The following RIMS1 variants were observed in gnomAD, a reference collection of about 807,000 sequenced individuals.
The protein encoded by RIMS1 is regulating synaptic membrane exocytosis protein 1.
Under a neutral mutation model 214.1 loss-of-function variants are expected in RIMS1, and 83 were observed. The observed-to-expected ratio is 0.39, with a 90% CI of 0.32 to 0.47. RIMS1 has a LOEUF of 0.47. RIMS1 is among the 20% of genes least tolerant of loss of function. RIMS1 has a pLI of 0.99. For missense variants in RIMS1, 2,050 were observed against 2,161.8 expected, an observed-to-expected ratio of 0.95 and a Z score of 1.03; for synonymous variants, 793 against 786.8, an observed-to-expected ratio of 1.01 and a Z score of -0.13.
At chr6:72,022,883 T>A (rs957247660) in intron 2 of RIMS1, among the ~76,000 whole-genome samples, 4 of 152,204 alleles carry the variant, frequency 2.6e-5, no homozygotes, top group Admixed American at 6.5e-5. Context: ...AGGCAGAGGC[T>A]TTATTCATAA....
intron 26 of RIMS1, among the ~76,000 whole-genome samples, chr6:72,306,055 G>C (rs930126879): frequency 6.6e-6 from 1 of 151,836 alleles, no homozygotes; most frequent in African/African-American, 2.4e-5. Context: ...AGGATGATAG[G>C]CCACATTTAG....
intron 4 of RIMS1, among the ~76,000 whole-genome samples, chr6:72,115,185 G>A (rs2036839390): frequency 6.6e-6 from 1 of 151,780 alleles, no homozygotes; most frequent in African/African-American, 2.4e-5. Flanking sequence ...CCTTTGATTG[G>A]CATATGAGTT....
intron 4 of RIMS1, among the ~76,000 whole-genome samples, chr6:72,137,734 CTTTTTTTTTTTT>C (rs1220065879): frequency 7.8e-6 from 1 of 128,692 alleles, no homozygotes; most frequent in East Asian, 2.3e-4. Flanking sequence ...TCTATACAAT[CTTTTTTTTTTTT>C]TTTTTTTTGA....
At chr6:72,125,636 G>A (rs968102285) in intron 4 of RIMS1, among the ~76,000 whole-genome samples, 1 of 152,198 alleles carries the variant, frequency 6.6e-6, no homozygotes, top group African/African-American at 2.4e-5. Flanking sequence ...CTGCAGTGGG[G>A]TCCACCCAGT....
At chr6:72,223,063 A>G (rs2154052196) in intron 6 of RIMS1, among the ~76,000 whole-genome samples, 1 of 152,308 alleles carries the variant, frequency 6.6e-6, no homozygotes, top group East Asian at 1.9e-4. Context: ...TACAGTGTGC[A>G]TCTTTAATGG....
At chr6:71,975,853 T>C (rs201916375) in intron 2 of RIMS1, among the ~76,000 whole-genome samples, 1 of 152,116 alleles carries the variant, frequency 6.6e-6, no homozygotes, top group East Asian at 1.9e-4. Context: ...GCTTTTTTCA[T>C]TTAGCATAAT....
intron 29 of RIMS1, among the ~76,000 whole-genome samples, chr6:72,368,000 A>G (rs1564582500): frequency 6.6e-6 from 1 of 152,186 alleles, no homozygotes. Flanking sequence ...GAATAAAGGT[A>G]TAAATGTACT....
chr6:72,185,143 TCAAACA>T (rs1242492926), intron 6 of RIMS1, among the ~76,000 whole-genome samples: 1 of 152,156 alleles, frequency 6.6e-6, no homozygotes, highest in Non-Finnish European at 1.5e-5. Flanking sequence ...CTACTTGCCT[TCAAACA>T]CAAAGATTCC....
chr6:72,227,655 G>T (rs1318262207), intron 6 of RIMS1, among the ~76,000 whole-genome samples: 2 of 151,926 alleles, frequency 1.3e-5, no homozygotes, highest in Non-Finnish European at 2.9e-5. Flanking sequence ...TTCCTTGCCT[G>T]TGTCCTAAAA....
intron 28 of RIMS1, among the ~76,000 whole-genome samples, chr6:72,314,409 GAACA>G (rs1282308778): frequency 1.3e-5 from 2 of 152,106 alleles, no homozygotes; most frequent in South Asian, 2.1e-4. Flanking sequence ...TTAAAAATAT[GAACA>G]AACACTTTTC....
intron 11 of RIMS1, among the ~76,000 whole-genome samples, chr6:72,247,221 C>G (rs2070410111): frequency 1.3e-5 from 2 of 152,070 alleles, no homozygotes; most frequent in East Asian, 1.9e-4. Context: ...AAACAAATCA[C>G]TAGTGGTGAA....
chr6:72,127,758 G>T (rs564770829), intron 4 of RIMS1, among the ~76,000 whole-genome samples: 1 of 152,180 alleles, frequency 6.6e-6, no homozygotes. Context: ...CTCCATGAAG[G>T]TAGTAGAGAA....
intron 4 of RIMS1, among the ~76,000 whole-genome samples, chr6:72,173,810 G>T (rs2047354128): frequency 6.6e-6 from 1 of 152,034 alleles, no homozygotes; most frequent in East Asian, 1.9e-4. Context: ...GATGATTGGG[G>T]TGTGTGTTTG....
intron 2 of RIMS1, among the ~76,000 whole-genome samples, chr6:71,994,855 G>T (rs967376409): frequency 5.9e-5 from 9 of 152,204 alleles, no homozygotes; most frequent in African/African-American, 2.2e-4. Context: ...GATACTAAGT[G>T]CCTGGGGAAG....
intron 28 of RIMS1, among the ~76,000 whole-genome samples, chr6:72,318,470 C>T (rs959271313): frequency 4.6e-5 from 7 of 152,164 alleles, no homozygotes; most frequent in African/African-American, 7.2e-5. Flanking sequence ...TCATATGCTT[C>T]GCTGTGCTAC....
At chr6:72,171,608 CCT>C (rs1403903235) in intron 4 of RIMS1, among the ~76,000 whole-genome samples, 1 of 152,038 alleles carries the variant, frequency 6.6e-6, no homozygotes, top group Admixed American at 6.5e-5. Context: ...ATTATTACCC[CCT>C]GTCTATAGAT....
At chr6:72,008,591 G>C (rs921065943) in intron 2 of RIMS1, among the ~76,000 whole-genome samples, 2 of 152,100 alleles carry the variant, frequency 1.3e-5, no homozygotes, top group Non-Finnish European at 2.9e-5. Context: ...CTCACATACA[G>C]AGACACATAT....
intron 6 of RIMS1, among the ~76,000 whole-genome samples, chr6:72,196,720 A>C (rs897355363): frequency 6.6e-6 from 1 of 151,750 alleles, no homozygotes; most frequent in Non-Finnish European, 1.5e-5. Flanking sequence ...TGATGAGAAA[A>C]GGTGAACTAT....
chr6:72,380,636 T>C (rs2098470189), intron 29 of RIMS1, among the ~76,000 whole-genome samples: 1 of 152,228 alleles, frequency 6.6e-6, no homozygotes, highest in Non-Finnish European at 1.5e-5. Flanking sequence ...TCTGAGCCTT[T>C]ATCTTCCTGT....
Sources: allele counts gnomAD v4.1 joint callset (sites outside exome capture counted in the v4.1 genomes callset), GRCh38; gene constraint gnomAD v4.1.1; transcripts MANE v1.5; gene names NCBI Gene and HGNC (gene_info 2026-07-23, HGNC 2026-07-21).